The following THSD7B variants were observed in gnomAD, a reference collection of about 807,000 sequenced individuals.
The protein encoded by THSD7B is thrombospondin type 1 domain containing 7B, also known as thrombospondin type-1 domain-containing protein 7B.
In THSD7B, 138 loss-of-function variants were observed where a neutral mutation model predicts 213.6. The ratio of observed to expected loss-of-function variants is 0.65; its 90% CI spans 0.56 to 0.74. The LOEUF (loss-of-function observed/expected upper bound fraction) is 0.74. Among genes scored for constraint, THSD7B ranks in the 30% least tolerant of loss-of-function variants. The pLI, the probability that THSD7B is intolerant of heterozygous loss-of-function variation, is 0.00. For missense variants in THSD7B, 1,931 were observed against 1,991.5 expected (o/e 0.97, Z 0.58); for synonymous variants, 742 against 687.0 (o/e 1.08, Z -1.25).
intron 21 of THSD7B, among the ~76,000 whole-genome samples, chr2:137,649,341 T>A (rs1473562846): frequency 6.6e-6 from 1 of 152,154 alleles, no homozygotes; most frequent in Non-Finnish European, 1.5e-5. Flanking sequence ...AGAAAAAAAA[T>A]CTTTTCCCAG....
In THSD7B at chr2:136,809,638, G is replaced by A. The variant is rs80230495; in HGVS notation, c.-36+43951G>A. On this transcript the variant is annotated intron_variant, in intron 1 of 27. Transcript: ENST00000409968. ...AACAACAAAGTTAGACACTCTGGCCGGTTTTTATTCTGAATGAGACTAAAA... is the reference window on the plus strand; with the variant it reads ...AACAACAAAGTTAGACACTCTGGCCAGTTTTTATTCTGAATGAGACTAAAA... Among the ~76,000 whole-genome samples, 327 of 152,242 alleles carry A rather than the reference G, an allele frequency of 2.1e-3. 7 individuals are homozygous for A. In the East Asian group the frequency reaches 0.04, roughly 19 times the overall value.
Position 137,215,424 on chromosome 2 carries a change from A to G in THSD7B, c.1724-15620A>G, listed in dbSNP as rs1328780025. 2.0e-5 allele frequency among the ~76,000 whole-genome samples: 3 copies of G among 152,282 alleles called. No homozygotes were observed. The East Asian group carries it at 5.8e-4, about 29-fold the overall frequency. On this transcript the variant is annotated intron_variant, in intron 7 of 27. Transcript: ENST00000409968. ...TTCCCAAACAGGTTATATGAGTTCT[A>G]AAACTGTGATAATCAATTCTCCCTA...
At chr2:136,895,911 G>A (rs989142955) in intron 2 of THSD7B, among the ~76,000 whole-genome samples, 1 of 152,010 alleles carries the variant, frequency 6.6e-6, no homozygotes, top group South Asian at 2.1e-4. Context: ...AATGTTTTGT[G>A]GTTGCTCTAT....
At chr2:137,617,863 G>A (rs1468437256) in intron 18 of THSD7B, among the ~76,000 whole-genome samples, 2 of 151,920 alleles carry the variant, frequency 1.3e-5, no homozygotes, top group South Asian at 2.1e-4. Context: ...GCTCCCTTAG[G>A]CCTCCTTTAT....
At chr2:137,211,471 T>C (rs1351750884) in intron 7 of THSD7B, among the ~76,000 whole-genome samples, 2 of 152,048 alleles carry the variant, frequency 1.3e-5, no homozygotes, top group African/African-American at 4.8e-5. Context: ...ATCACATTAT[T>C]AGTGTAATAT....
chr2:137,599,190 A>G (rs1345979781), intron 17 of THSD7B, among the ~76,000 whole-genome samples: 1 of 151,476 alleles, frequency 6.6e-6, no homozygotes, highest in Non-Finnish European at 1.5e-5. Context: ...AATTTCATCC[A>G]TGTCCCTACA....
chr2:137,071,846 A>G (rs906721039), intron 3 of THSD7B, among the ~76,000 whole-genome samples: 2 of 152,100 alleles, frequency 1.3e-5, no homozygotes, highest in Non-Finnish European at 2.9e-5. Flanking sequence ...TTTTCCCAGC[A>G]CCATTTATTA....
chr2:137,603,920 G>T (rs1682121954), intron 17 of THSD7B, among the ~76,000 whole-genome samples: 1 of 152,060 alleles, frequency 6.6e-6, no homozygotes, highest in Admixed American at 6.5e-5. Flanking sequence ...AGAGTAGCCT[G>T]GCCAACATGG....
intron 1 of THSD7B, among the ~76,000 whole-genome samples, chr2:136,847,299 T>C (rs1038493132): frequency 6.6e-6 from 1 of 152,194 alleles, no homozygotes; most frequent in Non-Finnish European, 1.5e-5. Context: ...CTTTCCATGA[T>C]GGAAGTGAAT....
chr2:136,954,714 C>CAAAAAAAAAAAAAAAAAAAA (rs11378111), intron 2 of THSD7B, among the ~76,000 whole-genome samples: 16 of 89,430 alleles, frequency 1.8e-4, no homozygotes, highest in African/African-American at 9.0e-4. Context: ...GACTCTGTCT[C>CAAAAAAAAAAAAAAAAAAAA]AAAAAAAAAA....
At chr2:137,215,781 GT>G in intron 7 of THSD7B, among the ~76,000 whole-genome samples, 1 of 152,108 alleles carries the variant, frequency 6.6e-6, no homozygotes, top group Non-Finnish European at 1.5e-5. Context: ...AAGTGGAAAT[GT>G]TTTTTCCAAA....
intron 1 of THSD7B, among the ~76,000 whole-genome samples, chr2:136,799,498 C>A (rs2104920492): frequency 6.6e-6 from 1 of 152,074 alleles, no homozygotes; most frequent in Non-Finnish European, 1.5e-5. Flanking sequence ...CATGTCTATA[C>A]TTTAATTCAG....
At chr2:137,239,637 C>T (rs184551083) in intron 9 of THSD7B, among the ~76,000 whole-genome samples, 3 of 152,322 alleles carry the variant, frequency 2.0e-5, no homozygotes. Flanking sequence ...GATTTGCTCC[C>T]ATGAAAGTAA....
intron 2 of THSD7B, among the ~76,000 whole-genome samples, chr2:136,943,839 G>A (rs1218890774): frequency 6.6e-6 from 1 of 152,052 alleles, no homozygotes; most frequent in African/African-American, 2.4e-5. Context: ...CCAGCTCCTC[G>A]ATTCATTGAT....
chr2:137,255,129 T>A (rs755023998), intron 10 of THSD7B, among the ~76,000 whole-genome samples: 26 of 152,156 alleles, frequency 1.7e-4, no homozygotes, highest in Admixed American at 1.6e-3. Flanking sequence ...AAGAATTCCA[T>A]CTTTTCCCAA....
chr2:137,396,243 T>C (rs1238381494), intron 12 of THSD7B, among the ~76,000 whole-genome samples: 3 of 141,282 alleles, frequency 2.1e-5, no homozygotes, highest in African/African-American at 5.2e-5. Context: ...CTAGTTCTTT[T>C]AATTGTGATG....
chr2:137,030,799 T>C (rs999906888), intron 2 of THSD7B, among the ~76,000 whole-genome samples: 1 of 152,056 alleles, frequency 6.6e-6, no homozygotes, highest in Non-Finnish European at 1.5e-5. Context: ...GGATGAGGGA[T>C]GAAAAACTAC....
At chr2:137,045,476 ACCT>A (rs1686954009) in intron 2 of THSD7B, among the ~76,000 whole-genome samples, 1 of 152,188 alleles carries the variant, frequency 6.6e-6, no homozygotes, top group Non-Finnish European at 1.5e-5. Flanking sequence ...ACAAAGTGAG[ACCT>A]CATCATATTA....
chr2:137,160,401 T>C, intron 6 of THSD7B, 33 bp downstream of exon 6: 1 of 1,606,746 alleles, frequency 6.2e-7, no homozygotes, highest in Non-Finnish European at 8.5e-7. Flanking sequence ...CTTCATTTGC[T>C]GTCAGCGTAC....
Sources: gnomAD v4.1 joint callset for allele counts (sites outside exome capture counted in the v4.1 genomes callset) on GRCh38, gnomAD v4.1.1 for gene constraint, MANE v1.5 for transcripts, NCBI Gene and HGNC (gene_info 2026-07-23, HGNC 2026-07-21) for gene names.